OR51E2: variants seen among roughly 807,000 people sequenced by gnomAD.
OR51E2 encodes the protein olfactory receptor 51E2.
A neutral mutation model predicts 13.7 loss-of-function variants in OR51E2; 14 were observed. The observed-to-expected ratio is 1.02, with a 90% confidence interval of 0.68 to 1.60. The LOEUF (loss-of-function observed/expected upper bound fraction) is 1.60, where lower values mean the gene tolerates loss of function less well. Among genes scored for constraint, OR51E2 ranks in the 40% most tolerant of loss-of-function variants. The probability of loss-of-function intolerance (pLI) is 0.00; values close to 1 mark genes in which losing one functional copy is unlikely to be tolerated. For synonymous variants in OR51E2, 180 were observed against 157.6 expected (o/e 1.14, Z -1.07); for missense variants, 483 against 413.8 (o/e 1.17, Z -1.45).
In OR51E2 at chr11:4,681,647, G is replaced by T; in HGVS notation, c.*102C>A. 1 of 1,358,224 alleles carries T rather than the reference G, an allele frequency of 7.4e-7. No individual in the cohort carries two copies. The highest frequency in any genetic ancestry group is 1.0e-6 in the Non-Finnish European group (1 of 972,710). The allele number at this position is 1,358,224 out of a possible 1,614,324, so 84.1% of individuals were successfully genotyped here. On this transcript the variant is annotated 3_prime_UTR_variant, in exon 2 of 2. Coordinates refer to ENST00000396950, the MANE Select transcript of OR51E2 (RefSeq NM_030774.4). ...ACTTTAGTTTACTATTCCAGCCAGA[G>T]AAAAGTACTGATGTGCTTATGGGCA...
In OR51E2 at chr11:4,681,776, C is replaced by T. The variant is rs1318929929; in HGVS notation, c.936G>A (p.Lys312=). The change falls in exon 2 of 2, where the codon AAG becomes AAA. Residue 312 remains lysine (K), a synonymous_variant. Transcript: ENST00000396950. ...ACTTGCCTCCCACAGCCTGCAAGTCCTTGTCACAGCTGATCTTGAACATAG... is the reference window on the plus strand; with the variant it reads ...ACTTGCCTCCCACAGCCTGCAAGTCTTTGTCACAGCTGATCTTGAACATAG... ...VLAMFKISCD[K]DLQAVGGK The T allele has an allele frequency of 6.2e-7, 1 of 1,614,156 alleles. No homozygotes were observed. The highest frequency in any genetic ancestry group is 8.5e-7 in the Non-Finnish European group (1 of 1,179,990).
chr11:4,693,935 A>G (rs1183105379), intron 1 of OR51E2, among the ~76,000 whole-genome samples: 1 of 152,168 alleles, frequency 6.6e-6, no homozygotes, highest in African/African-American at 2.4e-5. Context: ...AATAATTTCA[A>G]TATCTCATAT....
At chr11:4,691,003 C>A (rs1364983835) in intron 1 of OR51E2, 1 of 455,404 alleles carries the variant, frequency 2.2e-6, no homozygotes, top group Non-Finnish European at 4.4e-6. Flanking sequence ...TTCCTCTCTT[C>A]TGGGGAAGCA....
chr11:4,695,099 C>A (rs937217257), intron 1 of OR51E2, among the ~76,000 whole-genome samples: 6 of 152,076 alleles, frequency 3.9e-5, no homozygotes, highest in Non-Finnish European at 7.4e-5. Context: ...AGAGAAAGCA[C>A]CAGAGGTCAA....
intron 1 of OR51E2, among the ~76,000 whole-genome samples, chr11:4,686,588 T>C (rs1426923719): frequency 1.3e-5 from 2 of 152,232 alleles, no homozygotes; most frequent in Admixed American, 1.3e-4. Context: ...AATTTAGTCA[T>C]GTGAGACAGG....
rs1447803141 is a variant in OR51E2, at chr11:4,681,466, A to G, written c.*283T>C. On this transcript the variant is annotated 3_prime_UTR_variant, in exon 2 of 2. Transcript: ENST00000396950. ...TAGTAATTTGAGCACATTTCCTCCA[A>G]GGCATATGCTATTTTTCAACTTGGT... 5.1e-6 allele frequency: 2 copies of G among 393,488 alleles called. No individual in the cohort carries two copies. Among genetic ancestry groups the G allele is most frequent in the Admixed American group, 8.1e-5 (2 of 24,642 alleles). The allele number at this position is 393,488 out of a possible 1,614,324, so 24.4% of individuals were successfully genotyped here. A position where few individuals can be genotyped will look rare whatever the true frequency, so the allele number is the denominator to read the frequency against.
chr11:4,684,078 G>A (rs1847487344), intron 1 of OR51E2, among the ~76,000 whole-genome samples: 1 of 152,192 alleles, frequency 6.6e-6, no homozygotes. Flanking sequence ...TGATCTTAAA[G>A]TACAATATGA....
chr11:4,691,700 C>T (rs999100872), intron 1 of OR51E2: 10 of 360,786 alleles, frequency 2.8e-5, no homozygotes, highest in East Asian at 1.5e-4. Flanking sequence ...GCAAAGTTGA[C>T]GTGATGAATT....
chr11:4,695,475 C>G (rs1277493080), intron 1 of OR51E2, among the ~76,000 whole-genome samples: 4 of 152,174 alleles, frequency 2.6e-5, no homozygotes, highest in Admixed American at 1.3e-4. Flanking sequence ...GTGAGGGATA[C>G]AAGACATAAG....
Position 4,682,621 on chromosome 11 carries a change from G to C in OR51E2, c.91C>G (p.Leu31Val), listed in dbSNP as rs1589871741. 6.2e-7 allele frequency: 1 copy of C among 1,614,228 alleles called. No individual in the cohort carries two copies. Among genetic ancestry groups the C allele is most frequent in the East Asian group, 2.2e-5 (1 of 44,882 alleles). Residue 31 changes from leucine to valine, a missense_variant, in exon 2 of 2, where the codon CTT becomes GTT. Coordinates refer to ENST00000396950, the MANE Select transcript of OR51E2 (RefSeq NM_030774.4). The part of the protein sequence containing the change: ...KAHFWVGFPL[L>V]SMYVVAMFGN... Reference sequence around the variant, plus strand: ...AACATTGCCACTACATACATGGAAAGGAGGGGGAAGCCAACCCAGAAATGG... The same window carrying C: ...AACATTGCCACTACATACATGGAAACGAGGGGGAAGCCAACCCAGAAATGG...
chr11:4,692,537 A>C (rs1847595796), intron 1 of OR51E2, among the ~76,000 whole-genome samples: 1 of 152,252 alleles, frequency 6.6e-6, no homozygotes, highest in South Asian at 2.1e-4. Context: ...CGGAGGGAAA[A>C]ATATAACTTT....
intron 1 of OR51E2, among the ~76,000 whole-genome samples, chr11:4,694,523 C>CGTGTATATATATATAT: frequency 2.1e-5 from 3 of 141,778 alleles, no homozygotes; most frequent in Non-Finnish European, 4.6e-5. Context: ...TATATATATA[C>CGTGTATATATATATAT]ACACACACAT....
chr11:4,682,474 T>A lies in OR51E2; in HGVS notation c.238A>T (p.Ile80Phe). The change falls in exon 2 of 2, where the codon ATC (isoleucine) becomes TTC (phenylalanine). Residue 80 changes from isoleucine (I) to phenylalanine (F), a missense_variant. Physicochemically the swap from Ile to Phe is conservative, Grantham distance 21 (BLOSUM62 0). Coordinates refer to ENST00000396950, the MANE Select transcript of OR51E2 (RefSeq NM_030774.4). ...GAATCAAACCAGAAAAGGGCAAGGA[T>A]CTTAGGCATGGTGGATGTGGATAAG... The part of the protein sequence containing the change: ...LALSTSTMPK[I>F]LALFWFDSRE... 1 of 1,614,036 alleles carries A rather than the reference T, an allele frequency of 6.2e-7. No individual in the cohort carries two copies. The highest frequency in any genetic ancestry group is 8.5e-7 in the Non-Finnish European group (1 of 1,180,012).
At chr11:4,694,458 A>C (rs1250427356) in intron 1 of OR51E2, among the ~76,000 whole-genome samples, 2 of 151,392 alleles carry the variant, frequency 1.3e-5, no homozygotes, top group Admixed American at 6.6e-5. Context: ...GTTCAGTTCA[A>C]ACTGAACTAA....
rs764603666 is a variant in OR51E2, at chr11:4,682,248, A to C, written c.464T>G (p.Phe155Cys). ...IVAVVRGSLFFFPLPLLIKRL... is the reference protein window; with the variant it reads ...IVAVVRGSLFCFPLPLLIKRL... ...CTTGATCAGCAGAGGCAGTGGGAAA[A>C]AAAAGAGGGATCCGCGGACCACAGC... The change falls in exon 2 of 2, where the codon TTT becomes TGT. Residue 155 changes from phenylalanine to cysteine, a missense_variant. Phe to Cys is a radical substitution (Grantham distance 205, BLOSUM62 -2). Transcript: ENST00000396950. The C allele has an allele frequency of 5.0e-6, 8 of 1,614,042 alleles. No homozygotes were observed. Among genetic ancestry groups the C allele is most frequent in the South Asian group, 1.1e-5 (1 of 91,086 alleles).
chr11:4,694,503 CACACACATATATATATAT>C (rs1405032650), intron 1 of OR51E2, among the ~76,000 whole-genome samples: 4 of 142,018 alleles, frequency 2.8e-5, no homozygotes, highest in Admixed American at 7.4e-5. Context: ...TATATATATA[CACACACATATATATATAT>C]ACACACACAC....
At chr11:4,689,378 G>A (rs191056531) in intron 1 of OR51E2, among the ~76,000 whole-genome samples, 2 of 152,288 alleles carry the variant, frequency 1.3e-5, no homozygotes, top group Admixed American at 1.3e-4. Context: ...AGGTAAGGAT[G>A]AGAGTGAATA....
rs78840893 is a variant in OR51E2 at position 4,697,396 on chromosome 11, G to A, written c.-51+257C>T. On this transcript the variant is annotated intron_variant, in intron 1 of 1. Coordinates refer to ENST00000396950, the MANE Select transcript of OR51E2 (RefSeq NM_030774.4). ...GGCATAGAAATGAGATTCACTGACTGTGATAAATATATCAGCACACTGATT... is the reference window on the plus strand; with the variant it reads ...GGCATAGAAATGAGATTCACTGACTATGATAAATATATCAGCACACTGATT... Among the ~76,000 whole-genome samples the A allele has an allele frequency of 8.4e-3, 1,274 of 152,314 alleles. 18 individuals are homozygous for A. Among genetic ancestry groups the A allele is most frequent in the African/African-American group, 0.029 (1,211 of 41,550 alleles).
At chr11:4,684,471 G>A (rs1273641385) in intron 1 of OR51E2, among the ~76,000 whole-genome samples, 3 of 152,106 alleles carry the variant, frequency 2.0e-5, no homozygotes, top group Non-Finnish European at 4.4e-5. Context: ...CTGAAGAGAG[G>A]TCAGATCACT....
Sources: allele counts gnomAD v4.1 joint callset (sites outside exome capture counted in the v4.1 genomes callset), GRCh38; gene constraint gnomAD v4.1.1; transcripts MANE v1.5; gene names NCBI Gene and HGNC (gene_info 2026-07-23, HGNC 2026-07-21).